The following CCNDBP1 variants were observed in gnomAD, a reference collection of about 807,000 sequenced individuals.
CCNDBP1 encodes the protein cyclin-D1-binding protein 1.
Under a neutral mutation model 46.2 loss-of-function variants are expected in CCNDBP1, and 45 were observed. The ratio of observed to expected loss-of-function variants is 0.97; its 90% CI spans 0.77 to 1.25. CCNDBP1 has a LOEUF of 1.25. CCNDBP1 is among the 50% of genes most tolerant of loss of function. CCNDBP1 has a pLI of 0.00. For synonymous variants in CCNDBP1, 154 were observed against 163.6 expected (o/e 0.94, Z 0.45); for missense variants, 436 against 442.1 (o/e 0.99, Z 0.12).
Position 43,196,350 on chromosome 15 carries a change from C to T in CCNDBP1, c.*1509C>T, listed in dbSNP as rs2142246194. The stretch of plus-strand genomic sequence containing the variant: ...CCCCAAGCTGGAGTGCAGTGGCACA[C>T]TCTCGGCTCACTGCAACCTCCGCCT... On this transcript the variant is annotated 3_prime_UTR_variant, in exon 11 of 11. Transcript: ENST00000300213. The T allele has an allele frequency of 7.4e-6, 1 of 135,954 alleles. No individual in the cohort carries two copies. Among genetic ancestry groups the T allele is most frequent in the South Asian group, 2.4e-4 (1 of 4,218 alleles). The allele number at this position is 135,954 out of a possible 1,614,324, so 8.4% of individuals were successfully genotyped here.
In CCNDBP1 at chr15:43,195,398, C is replaced by G. The variant is rs1319836243; in HGVS notation, c.*557C>G. On this transcript the variant is annotated 3_prime_UTR_variant, in exon 11 of 11. Coordinates refer to ENST00000300213, the MANE Select transcript of CCNDBP1 (RefSeq NM_012142.5). ...TATATATTATTATCAGCAAGTCCTTCTGAATATTATCACAGATTACTCCAT... is the reference window on the plus strand; with the variant it reads ...TATATATTATTATCAGCAAGTCCTTGTGAATATTATCACAGATTACTCCAT... 1 of 152,238 alleles carries G rather than the reference C, an allele frequency of 6.6e-6. No homozygotes were observed. The highest frequency in any genetic ancestry group is 2.4e-5 in the African/African-American group (1 of 41,442). The allele number at this position is 152,238 out of a possible 1,614,324, so 9.4% of individuals were successfully genotyped here.
At chr15:43,192,619 C>T in intron 8 of CCNDBP1, 124 bp from the exon 9 acceptor site, 1 of 819,182 alleles carries the variant, frequency 1.2e-6, no homozygotes, top group Admixed American at 2.0e-5. Flanking sequence ...TGCCCAGTTG[C>T]CCAATTTTAA....
Position 43,194,797 on chromosome 15 carries a change from A to G in CCNDBP1, c.1039A>G (p.Met347Val). Residue 347 changes from methionine to valine, a missense_variant, in exon 11 of 11, where the codon ATG becomes GTG. Coordinates refer to ENST00000300213, the MANE Select transcript of CCNDBP1 (RefSeq NM_012142.5). ...ACTTATTAATGCCATTGATCATTGC[A>G]TGAATAGAATCAAGGAGCTCACTCA... ...PLLINAIDHC[M>V]NRIKELTQSE... 13 of 1,613,842 alleles carry G rather than the reference A, an allele frequency of 8.1e-6. No individual in the cohort carries two copies. Among genetic ancestry groups the G allele is most frequent in the Non-Finnish European group, 9.3e-6 (11 of 1,179,724 alleles).
intron 3 of CCNDBP1, among the ~76,000 whole-genome samples, chr15:43,187,958 C>T (rs1056594666): frequency 2.6e-5 from 4 of 151,956 alleles, no homozygotes; most frequent in African/African-American, 9.7e-5. Context: ...GAGATCTCAC[C>T]ACTTTAGTCC....
chr15:43,192,288 T>G (rs567814422), intron 8 of CCNDBP1, among the ~76,000 whole-genome samples: 1 of 152,250 alleles, frequency 6.6e-6, no homozygotes, highest in Non-Finnish European at 1.5e-5. Context: ...GAATATCATA[T>G]AATTAAGTGT....
intron 4 of CCNDBP1, 114 bp downstream of exon 4, chr15:43,189,394 C>A: frequency 1.7e-6 from 1 of 586,034 alleles, no homozygotes; most frequent in Non-Finnish European, 3.0e-6. Flanking sequence ...CCATAAAATA[C>A]AGTGAAGGAT....
At position 43,185,826 on chromosome 15, in the gene CCNDBP1, AAGCCCAGG is replaced by A. The variant is rs1185148175; in HGVS notation, c.119_126del (p.Ala40AspfsTer6). 1.2e-6 allele frequency: 2 copies of A among 1,611,156 alleles called. No individual in the cohort carries two copies. The highest frequency in any genetic ancestry group is 2.2e-5 in the East Asian group (1 of 44,860). ...CACACGCCACACCCACAAGTCGGCG[AAGCCCAGG>A]AGACCACCGAGGAGTTTAATCGAGA... On this transcript the variant is annotated frameshift_variant, in exon 2 of 11. Coordinates refer to ENST00000300213, the MANE Select transcript of CCNDBP1 (RefSeq NM_012142.5). LOFTEE classifies it high-confidence loss of function.
chr15:43,192,568 G>T (rs981457958), intron 8 of CCNDBP1, among the ~76,000 whole-genome samples, 175 bp from the exon 9 acceptor site: 1 of 152,182 alleles, frequency 6.6e-6, no homozygotes, highest in African/African-American at 2.4e-5. Flanking sequence ...ATGGGGTATG[G>T]TTGTTTCAAT....
At chr15:43,190,197 C>T in intron 5 of CCNDBP1, 46 bp downstream of exon 5, 2 of 1,599,050 alleles carry the variant, frequency 1.3e-6, no homozygotes. Context: ...GGTTCCTTGC[C>T]TCAGAGGGGA....
Position 43,195,044 on chromosome 15 carries a change from ATATAT to A in CCNDBP1, c.*204_*208del, listed in dbSNP as rs2042021401. On this transcript the variant is annotated 3_prime_UTR_variant, in exon 11 of 11. Coordinates refer to ENST00000300213, the MANE Select transcript of CCNDBP1 (RefSeq NM_012142.5). ...CCATATGCGTATATTTTTCTGTGCT[ATATAT>A]GAAAAATAATTGCATGATTTCTCAT... 7.2e-6 allele frequency: 3 copies of A among 416,760 alleles called. No homozygotes were observed. The highest frequency in any genetic ancestry group is 1.3e-5 in the Non-Finnish European group (3 of 235,666). 25.8% of individuals were successfully genotyped at this position (416,760 alleles called of 1,614,324 possible).
chr15:43,195,481 AGATTT>A lies in CCNDBP1; in HGVS notation c.*641_*645del, dbSNP rs1473868250. The A allele has an allele frequency of 1.3e-5, 2 of 152,186 alleles. No homozygotes were observed. Among genetic ancestry groups the A allele is most frequent in the Non-Finnish European group, 2.9e-5 (2 of 68,042 alleles). The allele number at this position is 152,186 out of a possible 1,614,324, so 9.4% of individuals were successfully genotyped here. A position where few individuals can be genotyped will look rare whatever the true frequency, so the allele number is the denominator to read the frequency against. ...GTTAGGTTTGCCCACCTTATTGAACAGATTTATTTTCCTTATACATACTTGTGTTG... is the reference window on the plus strand; with the variant it reads ...GTTAGGTTTGCCCACCTTATTGAACAATTTTCCTTATACATACTTGTGTTG... On this transcript the variant is annotated 3_prime_UTR_variant, in exon 11 of 11. Transcript: ENST00000300213.
rs2142215854 is a variant in CCNDBP1, at chr15:43,185,414, G to A, written c.-85G>A. 9.2e-7 allele frequency: 1 copy of A among 1,083,106 alleles called. No homozygotes were observed. Among genetic ancestry groups the A allele is most frequent in the Non-Finnish European group, 1.4e-6 (1 of 733,886 alleles). 67.1% of individuals were successfully genotyped at this position (1,083,106 alleles called of 1,614,324 possible). ...GACGGAAACGAGCCCTTGACGCTGT[G>A]GCCCGGAAGTGGAGCGGCTGTCGCA... On this transcript the variant is annotated 5_prime_UTR_variant, in exon 1 of 11. Coordinates refer to ENST00000300213, the MANE Select transcript of CCNDBP1 (RefSeq NM_012142.5).
chr15:43,194,766 C>T lies in CCNDBP1; in HGVS notation c.1008C>T (p.Ile336=). The change falls in exon 11 of 11, where the codon ATC becomes ATT. Residue 336 remains isoleucine, a synonymous_variant. Coordinates refer to ENST00000300213, the MANE Select transcript of CCNDBP1 (RefSeq NM_012142.5). ...HVTPQPEDSW[I]PLLINAIDHC... ...CCCCTCAGCCAGAAGATAGTTGGAT[C>T]CCTTTACTTATTAATGCCATTGATC... 6.2e-7 allele frequency: 1 copy of T among 1,613,698 alleles called. No individual in the cohort carries two copies. Among genetic ancestry groups the T allele is most frequent in the African/African-American group, 1.3e-5 (1 of 75,038 alleles).
At chr15:43,186,019 C>CT (rs2041821259) in intron 2 of CCNDBP1, 135 bp from the exon 3 acceptor site, 1 of 1,170,768 alleles carries the variant, frequency 8.5e-7, no homozygotes, top group Non-Finnish European at 1.3e-6. Context: ...ACCTCAGCAC[C>CT]TGAGAGGGTG....
Position 43,196,940 on chromosome 15 carries a change from G to A in CCNDBP1, c.*2099G>A, listed in dbSNP as rs1050690026. On this transcript the variant is annotated 3_prime_UTR_variant, in exon 11 of 11. Transcript: ENST00000300213. ...CCTCATGAATGGCTTCGTTCCATTGGTGGGGTAATGAGTAAGTTCTCGCTC... is the reference window on the plus strand; with the variant it reads ...CCTCATGAATGGCTTCGTTCCATTGATGGGGTAATGAGTAAGTTCTCGCTC... The A allele has an allele frequency of 1.5e-5, 5 of 333,306 alleles. No individual in the cohort carries two copies. Among genetic ancestry groups the A allele is most frequent in the African/African-American group, 4.3e-5 (2 of 46,696 alleles). The allele number at this position is 333,306 out of a possible 1,614,324, so 20.6% of individuals were successfully genotyped here.
At chr15:43,190,453 T>C (rs1360457141) in intron 6 of CCNDBP1, 55 bp downstream of exon 6, 2 of 1,365,826 alleles carry the variant, frequency 1.5e-6, no homozygotes, top group East Asian at 2.3e-5. Flanking sequence ...AGAGACCTCA[T>C]GTCTAGCTTC....
At chr15:43,187,391 T>C (rs925722206) in intron 3 of CCNDBP1, among the ~76,000 whole-genome samples, 5 of 151,836 alleles carry the variant, frequency 3.3e-5, no homozygotes, top group African/African-American at 4.8e-5. Flanking sequence ...TGCCTCAGCC[T>C]CTCGAGTAGC....
intron 9 of CCNDBP1, 38 bp downstream of exon 9, chr15:43,192,841 T>C (rs755207625): frequency 1.9e-6 from 3 of 1,573,434 alleles, no homozygotes; most frequent in Non-Finnish European, 1.7e-6. Flanking sequence ...ACAGAACAAA[T>C]GGGCAGAATT....
intron 2 of CCNDBP1, 35 bp downstream of exon 2, chr15:43,185,914 A>C (rs767565083): frequency 1.9e-6 from 3 of 1,592,430 alleles, no homozygotes; most frequent in Non-Finnish European, 2.6e-6. Flanking sequence ...CCCTTGCCTC[A>C]GTTCCTCCAG....
Sources: allele counts gnomAD v4.1 joint callset (sites outside exome capture counted in the v4.1 genomes callset), GRCh38; gene constraint gnomAD v4.1.1; transcripts MANE v1.5; gene names NCBI Gene and HGNC (gene_info 2026-07-23, HGNC 2026-07-21).